Variants in CREB5 observed in about 807,000 individuals in gnomAD.
CREB5 encodes cyclic AMP-responsive element-binding protein 5.
Under a neutral mutation model 57.1 loss-of-function variants are expected in CREB5, and 19 were observed. The ratio of observed to expected loss-of-function variants is 0.33; its 90% confidence interval spans 0.23 to 0.49. The LOEUF is 0.49. CREB5 is among the 20% of genes least tolerant of loss of function. CREB5 has a pLI of 0.99. For missense variants in CREB5, 579 were observed against 671.6 expected, an observed-to-expected ratio of 0.86 and a Z score of 1.52; for synonymous variants, 238 against 238.3, an observed-to-expected ratio of 1.00 and a Z score of 0.01.
At chr7:28,713,656 G>A (rs564494097) in intron 5 of CREB5, among the ~76,000 whole-genome samples, 1 of 152,300 alleles carries the variant, frequency 6.6e-6, no homozygotes, top group African/African-American at 2.4e-5. Flanking sequence ...TATCATGATG[G>A]AAGTCATAAT....
intron 1 of CREB5, among the ~76,000 whole-genome samples, chr7:28,462,542 A>C (rs1562733721): frequency 6.6e-6 from 1 of 152,312 alleles, no homozygotes; most frequent in African/African-American, 2.4e-5. Context: ...ACCCACCAGC[A>C]ATATATGAGG....
In CREB5 at chr7:28,321,799, A is replaced by T. The variant is rs1252146308; in HGVS notation, c.-25+22358A>T. Among the ~76,000 whole-genome samples, 5 of 152,246 alleles carry T rather than the reference A, an allele frequency of 3.3e-5. No individual in the cohort carries two copies. In the East Asian group the frequency reaches 9.6e-4, roughly 29 times the overall value. On this transcript the variant is annotated intron_variant, in intron 1 of 9. Coordinates refer to the CREB5 transcript ENST00000396299. ...AACACATTCAAAGGTAAAATTATTA[A>T]GAATTTTCAACATGATCACAGAGCG...
intron 1 of CREB5, among the ~76,000 whole-genome samples, chr7:28,462,025 C>T (rs1015629252): frequency 6.6e-6 from 1 of 152,064 alleles, no homozygotes; most frequent in Admixed American, 6.5e-5. Flanking sequence ...AGAACATTTT[C>T]GTCACCCCCA....
chr7:28,664,567 C>G (rs1320954295), intron 5 of CREB5, among the ~76,000 whole-genome samples: 1 of 151,784 alleles, frequency 6.6e-6, no homozygotes, highest in African/African-American at 2.4e-5. Flanking sequence ...TCCTGTGTTC[C>G]TAGGGAAAGG....
intron 9 of CREB5, among the ~76,000 whole-genome samples, chr7:28,817,050 AATTAAT>A (rs1190775218): frequency 9.2e-5 from 14 of 152,202 alleles, no homozygotes; most frequent in Non-Finnish European, 1.6e-4. Flanking sequence ...TGCCTTTGTG[AATTAAT>A]ATTAACAGAT....
chr7:28,590,671 G>GTAT (rs1796471875), intron 5 of CREB5, among the ~76,000 whole-genome samples: 1 of 96,012 alleles, frequency 1.0e-5, no homozygotes, highest in African/African-American at 5.9e-5. Context: ...GGAACTTAAA[G>GTAT]TATAATAATA....
intron 5 of CREB5, among the ~76,000 whole-genome samples, chr7:28,590,171 T>G (rs2128663342): frequency 6.6e-6 from 1 of 152,228 alleles, no homozygotes; most frequent in African/African-American, 2.4e-5. Context: ...AGCCATCCCA[T>G]TACTGGGTAT....
At chr7:28,770,684 A>C (rs888854037) in intron 7 of CREB5, among the ~76,000 whole-genome samples, 1 of 152,224 alleles carries the variant, frequency 6.6e-6, no homozygotes, top group African/African-American at 2.4e-5. Context: ...GTGGTCCTTA[A>C]ATTTTTAGTT....
chr7:28,316,394 G>GA (rs1218418038), intron 1 of CREB5, among the ~76,000 whole-genome samples: 1 of 151,698 alleles, frequency 6.6e-6, no homozygotes, highest in Non-Finnish European at 1.5e-5. Context: ...TGCTGGGCCA[G>GA]AAAAAAAGGA....
chr7:28,405,585 A>T (rs1476151956), intron 1 of CREB5, among the ~76,000 whole-genome samples: 1 of 151,976 alleles, frequency 6.6e-6, no homozygotes, highest in African/African-American at 2.4e-5. Context: ...GCTAATTTTT[A>T]AAAACTTTTT....
chr7:28,594,477 G>T (rs903157384), intron 5 of CREB5, among the ~76,000 whole-genome samples: 1 of 152,062 alleles, frequency 6.6e-6, no homozygotes, highest in Non-Finnish European at 1.5e-5. Context: ...CATTCCTGGG[G>T]TTATTGGTCT....
At chr7:28,480,033 C>CAG (rs202177586) in intron 1 of CREB5, among the ~76,000 whole-genome samples, 1 of 149,072 alleles carries the variant, frequency 6.7e-6, no homozygotes, top group African/African-American at 2.5e-5. Flanking sequence ...CCTCCCCCCC[C>CAG]CCACATTATC....
At chr7:28,451,902 G>A (rs1789833403) in intron 1 of CREB5, among the ~76,000 whole-genome samples, 1 of 152,110 alleles carries the variant, frequency 6.6e-6, no homozygotes, top group African/African-American at 2.4e-5. Flanking sequence ...AGCAGATACT[G>A]CATTTTAAAG....
intron 5 of CREB5, among the ~76,000 whole-genome samples, chr7:28,653,121 G>A (rs925923759): frequency 2.0e-5 from 3 of 152,164 alleles, no homozygotes; most frequent in Admixed American, 1.3e-4. Context: ...TCCATGTAAA[G>A]CGTAACATCA....
At chr7:28,563,197 C>A (rs1330261334) in intron 4 of CREB5, among the ~76,000 whole-genome samples, 5 of 152,118 alleles carry the variant, frequency 3.3e-5, no homozygotes, top group Admixed American at 6.5e-5. Flanking sequence ...TCATGGGGAG[C>A]AGCCACCAGA....
intron 5 of CREB5, among the ~76,000 whole-genome samples, chr7:28,707,737 G>T (rs1239112380): frequency 6.6e-6 from 1 of 152,138 alleles, no homozygotes; most frequent in Non-Finnish European, 1.5e-5. Context: ...ATTTGTTCTT[G>T]GGAGATATTC....
At position 28,743,999 on chromosome 7, in the gene CREB5, C is replaced by G. The variant is rs372191182; in HGVS notation, c.702+19667C>G. Among the ~76,000 whole-genome samples the G allele has an allele frequency of 5.7e-5, 5 of 87,860 alleles. 1 individual carries two copies. Among genetic ancestry groups the G allele is most frequent in the African/African-American group, 2.1e-4 (5 of 23,676 alleles). 57.6% of individuals were successfully genotyped at this position (87,860 alleles called of 152,430 possible). On this transcript the variant is annotated intron_variant, in intron 7 of 10. Coordinates refer to ENST00000357727, the MANE Select transcript of CREB5 (RefSeq NM_182898.4). The stretch of plus-strand genomic sequence containing the variant: ...ATATCTCCCAATGCTATCCCTCCCC[C>G]CTCCCCCGACCCCACCACAGTCCCC...
At chr7:28,678,395 T>A (rs1357615101) in intron 5 of CREB5, among the ~76,000 whole-genome samples, 2 of 150,728 alleles carry the variant, frequency 1.3e-5, no homozygotes, top group South Asian at 2.1e-4. Flanking sequence ...TCAAAAAAAA[T>A]AAAAATAAAA....
At chr7:28,578,299 C>T (rs917270160) in intron 5 of CREB5, among the ~76,000 whole-genome samples, 1 of 151,994 alleles carries the variant, frequency 6.6e-6, no homozygotes, top group African/African-American at 2.4e-5. Context: ...TTTACAAATC[C>T]AGAAGCAAGA....
Sources: gnomAD v4.1 joint callset for allele counts (sites outside exome capture counted in the v4.1 genomes callset) on GRCh38, gnomAD v4.1.1 for gene constraint, MANE v1.5 for transcripts, NCBI Gene and HGNC (gene_info 2026-07-23, HGNC 2026-07-21) for gene names.